CCDC187: variants seen among roughly 807,000 people sequenced by gnomAD.
The protein encoded by CCDC187 is coiled-coil domain containing 187.
Under a neutral mutation model 38.0 loss-of-function variants are expected in CCDC187, and 32 were observed. The ratio of observed to expected loss-of-function variants is 0.84; its 90% confidence interval spans 0.64 to 1.13. The LOEUF is 1.13. CCDC187 is among the 50% of genes most tolerant of loss of function. The pLI is 0.00. For missense variants in CCDC187, 707 were observed against 786.8 expected, an observed-to-expected ratio of 0.90 and a Z score of 1.21; for synonymous variants, 333 against 347.9, an observed-to-expected ratio of 0.96 and a Z score of 0.48.
In CCDC187 at chr9:136,250,427, T is replaced by G. The variant is rs1329380281; in HGVS notation, c.*3167A>C. 1 of 292,408 alleles carries G rather than the reference T, an allele frequency of 3.4e-6. No homozygotes were observed. Among genetic ancestry groups the G allele is most frequent in the Non-Finnish European group, 6.7e-6 (1 of 149,580 alleles). The allele number at this position is 292,408 out of a possible 1,614,324, so 18.1% of individuals were successfully genotyped here. On this transcript the variant is annotated 3_prime_UTR_variant, in exon 26 of 26. Transcript: ENST00000638797. ...GCAGCGAGCCTGGGAGCCATCAGAT[T>G]CGCTGCAAATCTGCGGGGCTTCAGT... is the stretch of plus-strand genomic sequence containing the variant.
chr9:136,267,679 C>G, intron 15 of CCDC187, 168 bp from the exon 16 acceptor site: 1 of 946,412 alleles, frequency 1.1e-6, no homozygotes, highest in Non-Finnish European at 1.3e-6. Flanking sequence ...TCCCATCCCC[C>G]TATGCCGCCC....
At chr9:136,262,961 C>T (rs1554761170) in intron 18 of CCDC187, among the ~76,000 whole-genome samples, 3 of 152,130 alleles carry the variant, frequency 2.0e-5, no homozygotes, top group East Asian at 1.9e-4. Context: ...AGCCTCCCTC[C>T]AAGGATGCAG....
At chr9:136,280,466 C>A (rs1831016729) in intron 10 of CCDC187, among the ~76,000 whole-genome samples, 1 of 152,162 alleles carries the variant, frequency 6.6e-6, no homozygotes, top group South Asian at 2.1e-4. Flanking sequence ...CAGGTGTGAG[C>A]CCGACAAGCC....
chr9:136,267,121 G>C (rs1564310096), intron 16 of CCDC187: 1 of 154,358 alleles, frequency 6.5e-6, no homozygotes, highest in Non-Finnish European at 1.4e-5. Flanking sequence ...AAAAAACAAA[G>C]TATGCACAAA....
intron 4 of CCDC187, among the ~76,000 whole-genome samples, chr9:136,293,166 C>A (rs1222051385): frequency 5.1e-5 from 1 of 19,438 alleles, no homozygotes; most frequent in African/African-American, 2.9e-4. Flanking sequence ...TGCTCACACA[C>A]TCACATGCTC....
rs1830781344 is a variant in CCDC187, at chr9:136,268,145, G to C, written c.3443-20C>G. Reference sequence around the variant, plus strand: ...CCACCTCTGAGGAAGGAAGCGCCATGGTTGGGTCATGTAGGGGGTCTGAGT... The same window carrying C: ...CCACCTCTGAGGAAGGAAGCGCCATCGTTGGGTCATGTAGGGGGTCTGAGT... On this transcript the variant is annotated intron_variant, in intron 14 of 25. Transcript: ENST00000638797. The C allele has an allele frequency of 3.0e-6, 3 of 985,474 alleles. No homozygotes were observed. In the Admixed American group the frequency reaches 1.8e-4, roughly 60 times the overall value. The allele number at this position is 985,474 out of a possible 1,614,324, so 61.0% of individuals were successfully genotyped here.
chr9:136,269,986 A>G lies in CCDC187; in HGVS notation c.3443-1861T>C, dbSNP rs115582853. 7.5e-3 allele frequency among the ~76,000 whole-genome samples: 1,148 copies of G among 152,346 alleles called. 16 individuals carry two copies. The highest frequency in any genetic ancestry group is 0.026 in the African/African-American group (1,098 of 41,582). On this transcript the variant is annotated intron_variant, in intron 14 of 25. Transcript: ENST00000638797. Reference sequence around the variant, plus strand: ...GGATGGGATGAAGGGCAGACTAGACACTGCAGAAGGAGAGATGAACGAACT... The same window carrying G: ...GGATGGGATGAAGGGCAGACTAGACGCTGCAGAAGGAGAGATGAACGAACT...
chr9:136,261,887 C>T (rs1399315859), intron 19 of CCDC187, among the ~76,000 whole-genome samples: 2 of 152,316 alleles, frequency 1.3e-5, no homozygotes, highest in East Asian at 3.9e-4. Flanking sequence ...CCATTTCGAG[C>T]CCGGAAAGAA....
chr9:136,250,558 A>T lies in CCDC187; in HGVS notation c.*3036T>A. The T allele has an allele frequency of 2.9e-6, 1 of 349,026 alleles. No homozygotes were observed. Among genetic ancestry groups the T allele is most frequent in the Non-Finnish European group, 5.7e-6 (1 of 175,770 alleles). 21.6% of individuals were successfully genotyped at this position (349,026 alleles called of 1,614,324 possible). A position where few individuals can be genotyped will look rare whatever the true frequency, so the allele number is the denominator to read the frequency against. On this transcript the variant is annotated 3_prime_UTR_variant, in exon 26 of 26. Coordinates refer to ENST00000638797, the MANE Select transcript of CCDC187 (RefSeq NM_001378188.1). ...TCAGCAATAAATGGAAAAAAATAAA[A>T]AATCACAGACTAATTTGTTCAGAAG... is the stretch of plus-strand genomic sequence containing the variant.
chr9:136,292,062 TC>T, intron 5 of CCDC187, 98 bp downstream of exon 5: 1 of 398,152 alleles, frequency 2.5e-6, no homozygotes, highest in Admixed American at 4.4e-5. Flanking sequence ...CAACACCTCT[TC>T]CTTCCAGGCG....
Position 136,286,452 on chromosome 9 carries a change from C to T in CCDC187, c.2466G>A (p.Ala822=), listed in dbSNP as rs1400336694. The change falls in exon 8 of 26, where the codon GCG becomes GCA. Residue 822 remains alanine, a synonymous_variant. Coordinates refer to ENST00000638797, the MANE Select transcript of CCDC187 (RefSeq NM_001378188.1). ...CTGTGGTCTCTAGCGCCTGCAGCTGCGCCTGCTTATGCCGGAGGTGCAGGG... is the reference window on the plus strand; with the variant it reads ...CTGTGGTCTCTAGCGCCTGCAGCTGTGCCTGCTTATGCCGGAGGTGCAGGG... The part of the protein sequence containing the change: ...SSSLHLRHKQ[A]QLQALETTAK... 5.8e-5 allele frequency: 23 copies of T among 398,592 alleles called. No individual in the cohort carries two copies. The highest frequency in any genetic ancestry group is 1.8e-4 in the Admixed American group (4 of 22,718). 24.7% of individuals were successfully genotyped at this position (398,592 alleles called of 1,614,324 possible). A position where few individuals can be genotyped will look rare whatever the true frequency, so the allele number is the denominator to read the frequency against.
intron 14 of CCDC187, among the ~76,000 whole-genome samples, chr9:136,273,957 A>T (rs1478563454): frequency 6.6e-6 from 1 of 152,218 alleles, no homozygotes; most frequent in Admixed American, 6.5e-5. Context: ...ACCTGCACGC[A>T]GACCCTTCCT....
chr9:136,273,320 T>C (rs1361719448), intron 14 of CCDC187, among the ~76,000 whole-genome samples: 5 of 152,162 alleles, frequency 3.3e-5, no homozygotes, highest in African/African-American at 9.7e-5. Flanking sequence ...AGTAAAAGGA[T>C]GGCAGTGGAG....
In CCDC187 at chr9:136,300,150, A is replaced by G. The variant is rs2131359774; in HGVS notation, c.724+70T>C. ...TCTTTGTCTGTGAGGGTGGCCCAGCATGTGCTGCCCCCATCATGGCCTGAG... is the reference window on the plus strand; with the variant it reads ...TCTTTGTCTGTGAGGGTGGCCCAGCGTGTGCTGCCCCCATCATGGCCTGAG... On this transcript the variant is annotated intron_variant, in intron 3 of 25. Coordinates refer to ENST00000638797, the MANE Select transcript of CCDC187 (RefSeq NM_001378188.1). The G allele has an allele frequency of 1.3e-5, 5 of 397,718 alleles. No homozygotes were observed. In the East Asian group the frequency reaches 1.8e-4, roughly 14 times the overall value. The allele number at this position is 397,718 out of a possible 1,614,324, so 24.6% of individuals were successfully genotyped here. A position where few individuals can be genotyped will look rare whatever the true frequency, so the allele number is the denominator to read the frequency against.
rs928612690 is a variant in CCDC187, at chr9:136,290,829, G to A, written c.1784C>T (p.Ser595Leu). ...GKGRGIGSPV[S>L]AAKHALPRPT... ...CCTTGGCAGGGCATGCTTGGCAGCCGAGACGGGGGAGCCGATGCCTCTGCC... is the reference window on the plus strand; with the variant it reads ...CCTTGGCAGGGCATGCTTGGCAGCCAAGACGGGGGAGCCGATGCCTCTGCC... Residue 595 changes from serine (S) to leucine (L), a missense_variant, in exon 6 of 26, where the codon TCG (serine) becomes TTG (leucine). By Grantham distance (145) the Ser-to-Leu change is moderately radical. Transcript: ENST00000638797. The A allele has an allele frequency of 3.0e-5, 12 of 398,544 alleles. No homozygotes were observed. The highest frequency in any genetic ancestry group is 4.4e-5 in the Non-Finnish European group (10 of 225,990). The allele number at this position is 398,544 out of a possible 1,614,324, so 24.7% of individuals were successfully genotyped here. A position where few individuals can be genotyped will look rare whatever the true frequency, so the allele number is the denominator to read the frequency against.
intron 22 of CCDC187, among the ~76,000 whole-genome samples, 158 bp from the exon 23 acceptor site, chr9:136,256,999 G>C (rs545524424): frequency 2.6e-5 from 4 of 152,346 alleles, no homozygotes; most frequent in African/African-American, 9.6e-5. Context: ...AACATACATG[G>C]TAGTTTGCTC....
chr9:136,288,072 C>T (rs918241147), intron 7 of CCDC187, among the ~76,000 whole-genome samples: 9 of 152,108 alleles, frequency 5.9e-5, no homozygotes, highest in Admixed American at 2.0e-4. Context: ...CCCGAGACGA[C>T]GAGTCCCAGC....
At position 136,254,185 on chromosome 9, in the gene CCDC187, G is replaced by A. The variant is rs782646748; in HGVS notation, c.5643C>T (p.Ala1881=). 1.2e-5 allele frequency: 12 copies of A among 985,380 alleles called. 1 individual carries two copies. The highest frequency in any genetic ancestry group is 5.2e-4 in the Middle Eastern group (1 of 1,936). The allele number at this position is 985,380 out of a possible 1,614,324, so 61.0% of individuals were successfully genotyped here. The change falls in exon 26 of 26, where the codon GCC becomes GCT. Residue 1881 remains alanine, a synonymous_variant. Transcript: ENST00000638797. ...GVVFPLQISS[A]GDSDSLLVFP... is the part of the protein sequence containing the mutation. The stretch of plus-strand genomic sequence containing the variant: ...AGACCAGCAGTGAGTCCGAGTCACC[G>A]GCAGAAGAGATTTGCAGCGGGAACA...
chr9:136,281,379 C>A (rs1300400764), intron 10 of CCDC187, 172 bp downstream of exon 10: 1 of 398,410 alleles, frequency 2.5e-6, no homozygotes, highest in Non-Finnish European at 4.4e-6. Context: ...CGCAGAGGGT[C>A]CCGAAAGCCT....
Sources: allele counts gnomAD v4.1 joint callset (sites outside exome capture counted in the v4.1 genomes callset), GRCh38; gene constraint gnomAD v4.1.1; transcripts MANE v1.5; gene names NCBI Gene and HGNC (gene_info 2026-07-23, HGNC 2026-07-21).